SYNE1: variants seen among roughly 807,000 people sequenced by gnomAD.
SYNE1 encodes spectrin repeat containing nuclear envelope protein 1, also known as nesprin-1.
In SYNE1, 616 loss-of-function variants were observed where a neutral mutation model predicts 1,111.0. That is an observed-to-expected ratio of 0.55 (90% CI 0.52 to 0.59). SYNE1 has a LOEUF of 0.59. Among genes scored for constraint, SYNE1 ranks in the 20% least tolerant of loss-of-function variants. The pLI is 0.00. For synonymous variants in SYNE1, 3,855 were observed against 3,825.8 expected (o/e 1.01, Z -0.28); for missense variants, 10,006 against 10,417.0 (o/e 0.96, Z 1.72).
chr6:152,180,785 G>C (rs1046503117), intron 128 of SYNE1, among the ~76,000 whole-genome samples: 6 of 152,174 alleles, frequency 3.9e-5, no homozygotes, highest in Non-Finnish European at 7.3e-5. Context: ...TCTAGAGAGT[G>C]AGGAAGCGGG....
chr6:152,334,425 G>A lies in SYNE1; in HGVS notation c.12529-152C>T, dbSNP rs2096330753. 7 of 887,580 alleles carry A rather than the reference G, an allele frequency of 7.9e-6. No homozygotes were observed. In the South Asian group the frequency reaches 9.0e-5, roughly 11 times the overall value. The allele number at this position is 887,580 out of a possible 1,614,324, so 55.0% of individuals were successfully genotyped here. On this transcript the variant is annotated intron_variant, in intron 76 of 145. Transcript: ENST00000367255. ...TATAATAAGTTATGGGAAACAAAGAGAAAATCTAAAAATCACCATACCTCT... is the reference window on the plus strand; with the variant it reads ...TATAATAAGTTATGGGAAACAAAGAAAAAATCTAAAAATCACCATACCTCT...
chr6:152,499,269 G>C (rs1270174602), intron 10 of SYNE1, among the ~76,000 whole-genome samples: 1 of 151,966 alleles, frequency 6.6e-6, no homozygotes, highest in Non-Finnish European at 1.5e-5. Flanking sequence ...AGGTGAATGA[G>C]ATAAGCCAAT....
At chr6:152,306,903 C>CAA (rs973985274) in intron 91 of SYNE1, among the ~76,000 whole-genome samples, 62 of 60,044 alleles carry the variant, frequency 1.0e-3, no homozygotes, top group Non-Finnish European at 1.1e-3. Flanking sequence ...GACTGTGTCT[C>CAA]AAAAAAAAAA....
At position 152,442,339 on chromosome 6, in the gene SYNE1, GGT is replaced by G. The variant is rs1209154143; in HGVS notation, c.3838-96_3838-95del. ...CCCACGCTTAACAGAAGTACAGAAA[GGT>G]GGGCCCGAAATGTATTTTAAAGCTA... is the stretch of plus-strand genomic sequence containing the variant. On this transcript the variant is annotated intron_variant, in intron 30 of 145. Transcript: ENST00000367255. 1.8e-5 allele frequency: 26 copies of G among 1,469,236 alleles called. No homozygotes were observed. In the Admixed American group the frequency reaches 4.5e-4, roughly 25 times the overall value. The allele number at this position is 1,469,236 out of a possible 1,614,324, so 91.0% of individuals were successfully genotyped here. A position where few individuals can be genotyped will look rare whatever the true frequency, so the allele number is the denominator to read the frequency against.
chr6:152,404,192 T>C (rs763940250), intron 46 of SYNE1, 21 bp downstream of exon 46: 2 of 1,561,370 alleles, frequency 1.3e-6, no homozygotes, highest in Non-Finnish European at 8.8e-7. Context: ...GGAAGTCTAG[T>C]AGTTATTACA....
At position 152,151,652 on chromosome 6, in the gene SYNE1, C is replaced by G; in HGVS notation, c.24351G>C (p.Arg8117=). The change falls in exon 135 of 146, where the codon CGG becomes CGC. Residue 8117 remains arginine, a synonymous_variant. Transcript: ENST00000367255. ...CTGTGAGCCAGACCAGAATGCTGTC[C>G]CGCGCAGTCTCAAACTCCTCACGCT... The part of the protein sequence containing the change: ...IGQREEFETA[R]DSILVWLTEM... 6.2e-7 allele frequency: 1 copy of G among 1,614,078 alleles called. No individual in the cohort carries two copies. The highest frequency in any genetic ancestry group is 8.5e-7 in the Non-Finnish European group (1 of 1,180,018).
intron 3 of SYNE1, among the ~76,000 whole-genome samples, chr6:152,596,135 G>A (rs1385474233): frequency 8.3e-6 from 1 of 121,022 alleles, no homozygotes; most frequent in Non-Finnish European, 1.7e-5. Context: ...AAAGCCTCTT[G>A]TGATCTGTGT....
In SYNE1 at chr6:152,155,061, G is replaced by A; in HGVS notation, c.23979-19C>T. The A allele has an allele frequency of 6.2e-7, 1 of 1,613,956 alleles. No homozygotes were observed. Among genetic ancestry groups the A allele is most frequent in the East Asian group, 2.2e-5 (1 of 44,872 alleles). On this transcript the variant is annotated intron_variant, in intron 132 of 145. Transcript: ENST00000367255. ...TTCGATTCTGGGGCGGAAAATGAAA[G>A]AACAGATTCAGATTATTGGAGACTG...
chr6:152,544,425 T>A, intron 3 of SYNE1, among the ~76,000 whole-genome samples: 1 of 152,168 alleles, frequency 6.6e-6, no homozygotes, highest in East Asian at 1.9e-4. Context: ...AGGCTCACAT[T>A]GCTTGTATTT....
In SYNE1 at chr6:152,262,119, C is replaced by A; in HGVS notation, c.18885G>T (p.Met6295Ile). 1 of 1,613,920 alleles carries A rather than the reference C, an allele frequency of 6.2e-7. No homozygotes were observed. The change falls in exon 101 of 146, where the codon ATG becomes ATT. Residue 6295 changes from methionine (M) to isoleucine (I), a missense_variant. By Grantham distance (10) the Met-to-Ile change is conservative. Around this residue, in one of 7 missense-constraint regions of SYNE1, gnomAD observed 2,182 missense variants for 2,287.8 expected, o/e 0.95. Coordinates refer to ENST00000367255, the MANE Select transcript of SYNE1 (RefSeq NM_182961.4). The stretch of plus-strand genomic sequence containing the variant: ...GATGTAGGCTTTCCCATTTCATTCT[C>A]ATCTGGTCTTCAGCGGATGATTTCT... ...EGEKSSAEDQ[M>I]RMKWESLHQE...
rs779234493 is a variant in SYNE1, at chr6:152,331,070, A to G, written c.13615T>C (p.Leu4539=). The G allele has an allele frequency of 9.9e-6, 16 of 1,614,130 alleles. No homozygotes were observed. The highest frequency in any genetic ancestry group is 1.4e-5 in the Non-Finnish European group (16 of 1,180,020). ...AAAACACTGTCATAGACACTCTGCA[A>G]TTCCTGAAGCTTCCCCAGCACTTCA... The part of the protein sequence containing the change: ...KSEVLGKLQE[L]QSVYDSVLQK... Residue 4539 remains leucine (L), a synonymous_variant, in exon 78 of 146, where the codon TTG becomes CTG. Coordinates refer to ENST00000367255, the MANE Select transcript of SYNE1 (RefSeq NM_182961.4).
At chr6:152,481,688 T>G in intron 14 of SYNE1, 1 of 354,448 alleles carries the variant, frequency 2.8e-6, no homozygotes, top group Non-Finnish European at 5.6e-6. Context: ...TGTGTAATAC[T>G]ATTTTCACAC....
At chr6:152,302,095 G>A in intron 91 of SYNE1, 32 bp from the exon 92 acceptor site, 1 of 1,613,792 alleles carries the variant, frequency 6.2e-7, no homozygotes, top group Non-Finnish European at 8.5e-7. Context: ...CGGGGTGTCA[G>A]AGCAGCATCA....
At chr6:152,167,852 G>T (rs778232575) in intron 130 of SYNE1, 4 of 665,548 alleles carry the variant, frequency 6.0e-6, no homozygotes, top group South Asian at 5.5e-5. Flanking sequence ...TGACGCATAC[G>T]GTCCAGAGAC....
At chr6:152,359,186 TA>T in intron 65 of SYNE1, 128 bp downstream of exon 65, 2 of 1,351,290 alleles carry the variant, frequency 1.5e-6, no homozygotes, top group African/African-American at 2.9e-5. Context: ...TTTAAAATAT[TA>T]AAAATTCATT....
At chr6:152,207,886 A>T in intron 125 of SYNE1, 86 bp downstream of exon 125, 2 of 1,269,598 alleles carry the variant, frequency 1.6e-6, no homozygotes, top group Non-Finnish European at 1.1e-6. Context: ...ATGTCACTCT[A>T]GAGTCCTTTT....
chr6:152,189,009 ATATATATAT>A (rs1563336749), intron 128 of SYNE1, among the ~76,000 whole-genome samples: 74 of 132,386 alleles, frequency 5.6e-4, no homozygotes, highest in African/African-American at 2.0e-3. Context: ...ATATATATAT[ATATATATAT>A]AAAATGCCAG....
chr6:152,294,159 CAA>C (rs1469243482), intron 93 of SYNE1, 32 bp from the exon 94 acceptor site: 3 of 1,609,834 alleles, frequency 1.9e-6, no homozygotes, highest in East Asian at 2.2e-5. Flanking sequence ...TTGAATTAAA[CAA>C]AAAGACAAAG....
At chr6:152,578,373 T>A (rs1384746591) in intron 3 of SYNE1, among the ~76,000 whole-genome samples, 1 of 152,114 alleles carries the variant, frequency 6.6e-6, no homozygotes, top group African/African-American at 2.4e-5. Flanking sequence ...GGTGGGCAGG[T>A]CACTTGAGGT....
Sources: gnomAD v4.1 joint callset for allele counts (sites outside exome capture counted in the v4.1 genomes callset) on GRCh38, gnomAD v4.1.1 for gene constraint, gnomAD v4.1.1 regional missense constraint, MANE v1.5 for transcripts, NCBI Gene and HGNC (gene_info 2026-07-23, HGNC 2026-07-21) for gene names.